The following NOS1AP variants were observed in gnomAD, a reference collection of about 807,000 sequenced individuals.
NOS1AP encodes carboxyl-terminal PDZ ligand of neuronal nitric oxide synthase protein.
In NOS1AP, 21 loss-of-function variants were observed where a neutral mutation model predicts 56.2. That is an observed-to-expected ratio of 0.37 (90% CI 0.26 to 0.54). NOS1AP has a LOEUF of 0.54. Among genes scored for constraint, NOS1AP ranks in the 20% least tolerant of loss-of-function variants. The pLI, the probability that NOS1AP is intolerant of heterozygous loss-of-function variation, is 0.84. For missense variants in NOS1AP, 522 were observed against 657.8 expected (o/e 0.79, Z 2.26); for synonymous variants, 270 against 274.6 (o/e 0.98, Z 0.17).
chr1:162,172,627 C>G (rs767384839), intron 2 of NOS1AP, among the ~76,000 whole-genome samples: 2 of 152,126 alleles, frequency 1.3e-5, no homozygotes, highest in Non-Finnish European at 2.9e-5. Context: ...TGTCATATAT[C>G]ACTATTTTCT....
chr1:162,348,494 G>A (rs1313854765), intron 6 of NOS1AP, among the ~76,000 whole-genome samples: 3 of 152,172 alleles, frequency 2.0e-5, no homozygotes, highest in East Asian at 3.9e-4. Flanking sequence ...CCTTTTTGGA[G>A]ATAGTTTTCC....
chr1:162,084,297 C>A (rs1691957812), intron 1 of NOS1AP, among the ~76,000 whole-genome samples: 1 of 152,140 alleles, frequency 6.6e-6, no homozygotes. Context: ...TTATTTAGAT[C>A]TCCTGTTCTA....
At chr1:162,229,644 C>T (rs754581752) in intron 2 of NOS1AP, among the ~76,000 whole-genome samples, 4 of 152,122 alleles carry the variant, frequency 2.6e-5, no homozygotes, top group Non-Finnish European at 5.9e-5. Flanking sequence ...ATATTGCCCT[C>T]ACGTGATAGG....
intron 2 of NOS1AP, among the ~76,000 whole-genome samples, chr1:162,180,218 T>C (rs1276897410): frequency 6.6e-6 from 1 of 152,014 alleles, no homozygotes; most frequent in Non-Finnish European, 1.5e-5. Flanking sequence ...TCCTCCATGA[T>C]GTGTTATTTT....
At chr1:162,162,992 A>G (rs980449555) in intron 2 of NOS1AP, among the ~76,000 whole-genome samples, 2 of 152,144 alleles carry the variant, frequency 1.3e-5, no homozygotes, top group Admixed American at 1.3e-4. Context: ...CCAGACTACT[A>G]CTAATCTACA....
chr1:162,173,159 G>C (rs561410660), intron 2 of NOS1AP, among the ~76,000 whole-genome samples: 1 of 152,114 alleles, frequency 6.6e-6, no homozygotes, highest in African/African-American at 2.4e-5. Context: ...GGCAAAAAGC[G>C]CAATTACTTT....
chr1:162,140,411 C>T (rs1005370150), intron 1 of NOS1AP, among the ~76,000 whole-genome samples: 1 of 152,152 alleles, frequency 6.6e-6, no homozygotes, highest in Non-Finnish European at 1.5e-5. Flanking sequence ...TGGTTTTCTG[C>T]TCCTGTGTTA....
At chr1:162,306,242 T>TG (rs1655822205) in intron 4 of NOS1AP, among the ~76,000 whole-genome samples, 1 of 152,188 alleles carries the variant, frequency 6.6e-6, no homozygotes, top group South Asian at 2.1e-4. Flanking sequence ...TGGCTCTTCA[T>TG]GGCAACCACC....
intron 2 of NOS1AP, among the ~76,000 whole-genome samples, chr1:162,264,478 C>CT (rs1654352881): frequency 9.6e-6 from 1 of 104,332 alleles, no homozygotes; most frequent in Non-Finnish European, 1.9e-5. Flanking sequence ...CCCCTCCCCT[C>CT]CCCTCCCCTC....
intron 8 of NOS1AP, among the ~76,000 whole-genome samples, chr1:162,361,418 T>C (rs886914491): frequency 2.0e-5 from 3 of 152,182 alleles, no homozygotes; most frequent in Non-Finnish European, 4.4e-5. Context: ...GTGCTTCAAG[T>C]TCGAGCCTAC....
chr1:162,240,175 G>C (rs1219598412), intron 2 of NOS1AP, among the ~76,000 whole-genome samples: 1 of 152,040 alleles, frequency 6.6e-6, no homozygotes, highest in Non-Finnish European at 1.5e-5. Flanking sequence ...ACTGCCAGCT[G>C]ACTGAACAGA....
At chr1:162,265,444 G>T (rs1185741758) in intron 2 of NOS1AP, among the ~76,000 whole-genome samples, 1 of 137,126 alleles carries the variant, frequency 7.3e-6, no homozygotes, top group East Asian at 2.1e-4. Flanking sequence ...TGTTCTCATT[G>T]TTCAATTCCC....
rs187993344 is a variant in NOS1AP at position 162,224,130 on chromosome 1, C to T, written c.178-63214C>T. 3.4e-4 allele frequency among the ~76,000 whole-genome samples: 52 copies of T among 151,746 alleles called. No individual in the cohort carries two copies. In the East Asian group the frequency reaches 6.6e-3, roughly 19 times the overall value. On this transcript the variant is annotated intron_variant, in intron 2 of 9. Transcript: ENST00000361897. ...TAATTAACAAATTTTGCAGTCCTAA[C>T]GCTTTTCATTCCAGATCTCAGAGTG...
At position 162,105,997 on chromosome 1, in the gene NOS1AP, G is replaced by T. The variant is rs180672396; in HGVS notation, c.105+35715G>T. On this transcript the variant is annotated intron_variant, in intron 1 of 9. Coordinates refer to ENST00000361897, the MANE Select transcript of NOS1AP (RefSeq NM_014697.3). ...ATGGATCTCCCACCTTGCCATGGAT[G>T]CCGGGGCCAGAGTATGCAAAACTCC... Among the ~76,000 whole-genome samples, 977 of 152,284 alleles carry T rather than the reference G, an allele frequency of 6.4e-3. 17 individuals are homozygous for T. Among genetic ancestry groups the T allele is most frequent in the African/African-American group, 0.023 (949 of 41,562 alleles).
At chr1:162,084,225 G>GTGA (rs1043243256) in intron 1 of NOS1AP, among the ~76,000 whole-genome samples, 4 of 152,122 alleles carry the variant, frequency 2.6e-5, no homozygotes, top group African/African-American at 7.2e-5. Flanking sequence ...GGTTCTTGGA[G>GTGA]TGATGAATGA....
chr1:162,297,171 A>C (rs1655492158), intron 3 of NOS1AP, among the ~76,000 whole-genome samples: 1 of 152,192 alleles, frequency 6.6e-6, no homozygotes, highest in Non-Finnish European at 1.5e-5. Flanking sequence ...CTTTCCTCAG[A>C]AGGGAACAGG....
At chr1:162,294,067 G>A (rs934623630) in intron 3 of NOS1AP, among the ~76,000 whole-genome samples, 2 of 152,124 alleles carry the variant, frequency 1.3e-5, no homozygotes, top group African/African-American at 4.8e-5. Flanking sequence ...TTAAACGCCT[G>A]TGGGAGAAAA....
At chr1:162,230,523 A>G (rs529127214) in intron 2 of NOS1AP, among the ~76,000 whole-genome samples, 1 of 152,366 alleles carries the variant, frequency 6.6e-6, no homozygotes, top group Non-Finnish European at 1.5e-5. Flanking sequence ...AATTTGGGTA[A>G]GATATAACAT....
intron 1 of NOS1AP, among the ~76,000 whole-genome samples, chr1:162,136,287 A>AT (rs1648998539): frequency 6.6e-6 from 1 of 152,100 alleles, no homozygotes; most frequent in Non-Finnish European, 1.5e-5. Context: ...TTATTTATTT[A>AT]TTTTTTAATG....
Sources: gnomAD v4.1 joint callset for allele counts (sites outside exome capture counted in the v4.1 genomes callset) on GRCh38, gnomAD v4.1.1 for gene constraint, MANE v1.5 for transcripts, NCBI Gene and HGNC (gene_info 2026-07-23, HGNC 2026-07-21) for gene names.